Variants in NKAIN2 observed in about 807,000 individuals in gnomAD.
NKAIN2 encodes the protein sodium/potassium-transporting ATPase subunit beta-1-interacting protein 2.
Under a neutral mutation model 32.6 loss-of-function variants are expected in NKAIN2, and 14 were observed. The ratio of observed to expected loss-of-function variants is 0.43; its 90% CI spans 0.28 to 0.67. The LOEUF is 0.67. Among genes scored for constraint, NKAIN2 ranks in the 30% least tolerant of loss-of-function variants. The probability of loss-of-function intolerance (pLI) is 0.17; values close to 1 mark genes in which losing one functional copy is unlikely to be tolerated. For synonymous variants in NKAIN2, 80 were observed against 87.2 expected (o/e 0.92, Z 0.46); for missense variants, 198 against 258.3 (o/e 0.77, Z 1.60).
At chr6:124,065,075 G>A (rs566687970) in intron 1 of NKAIN2, among the ~76,000 whole-genome samples, 158 of 152,102 alleles carry the variant, frequency 1.0e-3, no homozygotes, top group Non-Finnish European at 1.9e-3. Context: ...ATTTTCTGTC[G>A]TCCCACAAGC....
chr6:124,694,054 G>T (rs1228111578), intron 4 of NKAIN2, among the ~76,000 whole-genome samples: 1 of 152,144 alleles, frequency 6.6e-6, no homozygotes, highest in Non-Finnish European at 1.5e-5. Flanking sequence ...CCCTAAATCT[G>T]CATCTTGTAC....
At chr6:124,595,744 T>G (rs1241631852) in intron 3 of NKAIN2, among the ~76,000 whole-genome samples, 1 of 152,224 alleles carries the variant, frequency 6.6e-6, no homozygotes, top group Non-Finnish European at 1.5e-5. Context: ...AATTACTTAT[T>G]GAGATATTCT....
intron 1 of NKAIN2, among the ~76,000 whole-genome samples, chr6:124,211,676 T>C (rs1791184542): frequency 6.6e-6 from 1 of 152,022 alleles, no homozygotes; most frequent in African/African-American, 2.4e-5. Flanking sequence ...CACCAGCAAA[T>C]AGTTTAAGAT....
At chr6:124,751,378 G>A (rs1777711459) in intron 4 of NKAIN2, among the ~76,000 whole-genome samples, 1 of 151,930 alleles carries the variant, frequency 6.6e-6, no homozygotes, top group Non-Finnish European at 1.5e-5. Flanking sequence ...TTAAAGAAAA[G>A]GGGTGTTAGG....
intron 1 of NKAIN2, among the ~76,000 whole-genome samples, chr6:123,821,923 CAGTT>C (rs770057715): frequency 9.9e-5 from 15 of 151,586 alleles, no homozygotes; most frequent in Non-Finnish European, 1.8e-4. Flanking sequence ...TATGCACACA[CAGTT>C]AATTGAATTT....
intron 3 of NKAIN2, among the ~76,000 whole-genome samples, chr6:124,488,264 G>A (rs898795505): frequency 1.3e-5 from 2 of 151,966 alleles, no homozygotes; most frequent in Non-Finnish European, 2.9e-5. Context: ...TCAACCTACT[G>A]CCCATTGCAA....
chr6:124,624,910 ATAGAC>A (rs1002712412), intron 3 of NKAIN2, among the ~76,000 whole-genome samples: 19 of 145,064 alleles, frequency 1.3e-4, no homozygotes, highest in African/African-American at 1.8e-4. Flanking sequence ...GTTCTTTTAA[ATAGAC>A]TAAAGTGTCT....
At chr6:124,549,147 A>T (rs749680264) in intron 3 of NKAIN2, among the ~76,000 whole-genome samples, 1 of 152,094 alleles carries the variant, frequency 6.6e-6, no homozygotes, top group Admixed American at 6.5e-5. Flanking sequence ...CAGGTGGATC[A>T]TGAGGTCAGG....
chr6:124,133,005 A>G (rs1028946137), intron 1 of NKAIN2, among the ~76,000 whole-genome samples: 10 of 152,340 alleles, frequency 6.6e-5, no homozygotes, highest in Admixed American at 5.9e-4. Flanking sequence ...ATTTCTCGCA[A>G]CAGGGACACA....
chr6:124,096,257 A>C (rs768543838), intron 1 of NKAIN2, among the ~76,000 whole-genome samples: 2 of 152,198 alleles, frequency 1.3e-5, no homozygotes, highest in Non-Finnish European at 2.9e-5. Context: ...GTAATTGTTA[A>C]AGAATAGCCA....
intron 1 of NKAIN2, among the ~76,000 whole-genome samples, chr6:123,824,319 T>A (rs1774050736): frequency 6.6e-6 from 1 of 152,166 alleles, no homozygotes. Flanking sequence ...CTATTATACA[T>A]GAACATGATT....
intron 1 of NKAIN2, among the ~76,000 whole-genome samples, chr6:124,267,059 T>C (rs1391427158): frequency 1.3e-5 from 2 of 151,760 alleles, no homozygotes; most frequent in Non-Finnish European, 2.9e-5. Flanking sequence ...CAAAATAAAA[T>C]GTTAAATCAC....
At chr6:124,085,147 G>T (rs1582613589) in intron 1 of NKAIN2, among the ~76,000 whole-genome samples, 1 of 151,942 alleles carries the variant, frequency 6.6e-6, no homozygotes, top group Non-Finnish European at 1.5e-5. Flanking sequence ...TTTTAAAATA[G>T]ATTTTGATTA....
chr6:123,900,135 T>A (rs890361627), intron 1 of NKAIN2, among the ~76,000 whole-genome samples: 1 of 152,202 alleles, frequency 6.6e-6, no homozygotes, highest in South Asian at 2.1e-4. Flanking sequence ...TCGGAACATA[T>A]GTTGTCTCAC....
chr6:123,910,193 T>C (rs1234700211), intron 1 of NKAIN2, among the ~76,000 whole-genome samples: 2 of 152,182 alleles, frequency 1.3e-5, no homozygotes, highest in African/African-American at 4.8e-5. Flanking sequence ...CTACCTGCTC[T>C]AAATATGTCT....
chr6:124,633,379 T>C (rs1178359202), intron 3 of NKAIN2, among the ~76,000 whole-genome samples: 1 of 152,192 alleles, frequency 6.6e-6, no homozygotes, highest in Non-Finnish European at 1.5e-5. Flanking sequence ...TGCAGACTTA[T>C]AATGAAGTAG....
intron 3 of NKAIN2, among the ~76,000 whole-genome samples, chr6:124,437,714 T>A (rs751763753): frequency 3.7e-4 from 56 of 152,210 alleles, no homozygotes; most frequent in East Asian, 9.7e-4. Flanking sequence ...TTAAGTGCTA[T>A]GAGGTAAGGC....
At chr6:123,999,159 A>G (rs1314050668) in intron 1 of NKAIN2, among the ~76,000 whole-genome samples, 1 of 152,170 alleles carries the variant, frequency 6.6e-6, no homozygotes, top group Non-Finnish European at 1.5e-5. Flanking sequence ...TGCAAATGGT[A>G]AGGTTACATC....
chr6:124,341,345 A>C (rs1798105248), intron 2 of NKAIN2, among the ~76,000 whole-genome samples: 1 of 152,180 alleles, frequency 6.6e-6, no homozygotes, highest in South Asian at 2.1e-4. Flanking sequence ...CAGGTAACAG[A>C]ATATAGAGCA....
Sources: gnomAD v4.1 joint callset for allele counts (sites outside exome capture counted in the v4.1 genomes callset) on GRCh38, gnomAD v4.1.1 for gene constraint, MANE v1.5 for transcripts, NCBI Gene and HGNC (gene_info 2026-07-23, HGNC 2026-07-21) for gene names.